The following HLA-DQA1 variants were observed in gnomAD, a reference collection of about 807,000 sequenced individuals.
The protein encoded by HLA-DQA1 is HLA class II histocompatibility antigen, DQ alpha 1 chain.
A neutral mutation model predicts 20.7 loss-of-function variants in HLA-DQA1; 10 were observed. The observed-to-expected ratio is 0.48, with a 90% CI of 0.30 to 0.82. HLA-DQA1 has a LOEUF of 0.82. Ranked by LOEUF, HLA-DQA1 falls within the 40% of genes least tolerant of loss-of-function variation. HLA-DQA1 has a pLI of 0.07. For synonymous variants in HLA-DQA1, 39 were observed against 109.2 expected, an observed-to-expected ratio of 0.36 and a Z score of 4.01; for missense variants, 127 against 293.0, an observed-to-expected ratio of 0.43 and a Z score of 4.14.
the HLA-DQA1 span, among the ~76,000 whole-genome samples, chr6:32,653,773 A>G: frequency 0.019 from 1,528 of 80,126 alleles, 73 homozygotes; most frequent in Admixed American, 0.023. Context: ...GAGTGGATAA[A>G]GAAACTGGTC....
rs939780021 is a variant in HLA-DQA1 at position 32,640,065 on chromosome 6, A to T, written c.83-1245A>T. Among the ~76,000 whole-genome samples the T allele has an allele frequency of 5.0e-5, 5 of 101,008 alleles. 1 individual carries two copies. The highest frequency in any genetic ancestry group is 1.7e-4 in the African/African-American group (5 of 29,052). The allele number at this position is 101,008 out of a possible 152,430, so 66.3% of individuals were successfully genotyped here. A position where few individuals can be genotyped will look rare whatever the true frequency, so the allele number is the denominator to read the frequency against. ...GATGGATTTTAGAATTTCTCCAGGA[A>T]GTCCTAAAAGATAATTCCATTTCAG... On this transcript the variant is annotated intron_variant, in intron 1 of 4. Coordinates refer to ENST00000343139, the MANE Select transcript of HLA-DQA1 (RefSeq NM_002122.5).
At chr6:32,652,570 C>CT in the HLA-DQA1 span, among the ~76,000 whole-genome samples, 83,997 of 148,864 alleles carry the variant, frequency 0.56, 23,978 homozygotes, top group Middle Eastern at 0.7. Context: ...AAATGATGAA[C>CT]AATTTTTTCA....
At chr6:32,645,537 G>A (rs9273182), downstream of HLA-DQA1, 27,038 of 124,284 alleles carry the variant, frequency 0.22, 3,688 homozygotes, top group East Asian at 0.27. Context: ...CACCCACTGC[G>A]TGGTCCAGTT....
At chr6:32,641,126 T>C (rs9272676) in intron 1 of HLA-DQA1, among the ~76,000 whole-genome samples, 184 bp from the exon 2 acceptor site, 1,111 of 105,238 alleles carry the variant, frequency 0.011, 60 homozygotes, top group East Asian at 0.08. Flanking sequence ...GGAAAGAAAG[T>C]GCACTTTTAA....
downstream of HLA-DQA1, chr6:32,644,705 T>C (rs1016233205): frequency 2.0e-4 from 24 of 121,560 alleles, 1 homozygote; most frequent in African/African-American, 7.0e-4. Flanking sequence ...TTTCTTTTCA[T>C]ATGATAATTG....
At chr6:32,647,569 C>G (rs28609302), downstream of HLA-DQA1, among the ~76,000 whole-genome samples, 7,164 of 150,914 alleles carry the variant, frequency 0.047, 519 homozygotes, top group South Asian at 0.12. Flanking sequence ...CAGGAAAGTC[C>G]CATAAACATA....
intron 1 of HLA-DQA1, among the ~76,000 whole-genome samples, 180 bp from the exon 2 acceptor site, chr6:32,641,130 C>A (rs9272677): frequency 0.011 from 1,146 of 104,930 alleles, 61 homozygotes; most frequent in East Asian, 0.083. Flanking sequence ...AGAAAGTGCA[C>A]TTTTAACTGG....
At chr6:32,650,747 G>A (rs1582022010), downstream of HLA-DQA1, among the ~76,000 whole-genome samples, 1 of 91,762 alleles carries the variant, frequency 1.1e-5, no homozygotes, top group African/African-American at 3.8e-5. Flanking sequence ...AATACCTAAT[G>A]TAAATTACGA....
downstream of HLA-DQA1, chr6:32,646,439 C>T (rs1269340214): frequency 1.9e-5 from 2 of 104,646 alleles, no homozygotes; most frequent in African/African-American, 3.3e-5. Context: ...CTCCTGTAGT[C>T]CCAGCTACTC....
chr6:32,648,583 C>T (rs1258868707), downstream of HLA-DQA1, among the ~76,000 whole-genome samples: 4 of 96,738 alleles, frequency 4.1e-5, 1 homozygote, highest in African/African-American at 1.4e-4. Flanking sequence ...ATTCAACAGC[C>T]CTTCATGCTA....
chr6:32,638,105 C>T (rs1341001267), intron 1 of HLA-DQA1, among the ~76,000 whole-genome samples: 1 of 132,054 alleles, frequency 7.6e-6, no homozygotes, highest in Non-Finnish European at 1.7e-5. Flanking sequence ...ACATGGTCCT[C>T]ACTTACTCTC....
At chr6:32,651,567 G>C (rs1782189566), downstream of HLA-DQA1, among the ~76,000 whole-genome samples, 1 of 52,154 alleles carries the variant, frequency 1.9e-5, no homozygotes, top group African/African-American at 6.6e-5. Context: ...CTGGGTGTCA[G>C]AGCGCGATTC....
downstream of HLA-DQA1, chr6:32,643,936 G>C (rs9273019): frequency 0.3 from 43,698 of 145,070 alleles, 9,217 homozygotes; most frequent in Middle Eastern, 0.48. Flanking sequence ...CTCACCTCCT[G>C]AATGAAGCTG....
intron 1 of HLA-DQA1, among the ~76,000 whole-genome samples, chr6:32,640,812 T>TA (rs34713112): frequency 0.26 from 24,579 of 93,522 alleles, 6,626 homozygotes; most frequent in African/African-American, 0.51. Flanking sequence ...GCTTTTCCTT[T>TA]AAAAAAAAAA....
intron 2 of HLA-DQA1, among the ~76,000 whole-genome samples, 179 bp downstream of exon 2, chr6:32,641,737 C>T (rs34719927): frequency 0.34 from 30,363 of 89,704 alleles, 6,817 homozygotes; most frequent in Middle Eastern, 0.51. Flanking sequence ...ATGCATTCAG[C>T]AAATCCTTCT....
At chr6:32,653,698 T>G in the HLA-DQA1 span, among the ~76,000 whole-genome samples, 1 of 115,624 alleles carries the variant, frequency 8.6e-6, no homozygotes, top group Non-Finnish European at 1.9e-5. Context: ...TGCACTCCCA[T>G]GTTCATCGCA....
chr6:32,646,893 ATTT>A (rs17843742), downstream of HLA-DQA1: 1 of 56,304 alleles, frequency 1.8e-5, no homozygotes, highest in East Asian at 4.7e-4. Flanking sequence ...GAAGCTATAC[ATTT>A]TAAAAGGCTG....
At chr6:32,652,947 C>T in the HLA-DQA1 span, among the ~76,000 whole-genome samples, 10 of 150,408 alleles carry the variant, frequency 6.6e-5, no homozygotes, top group Non-Finnish European at 1.0e-4. Flanking sequence ...GCTGTAAGAG[C>T]CTTTCAGAGT....
chr6:32,640,730 A>G (rs28383417), intron 1 of HLA-DQA1, among the ~76,000 whole-genome samples: 2,753 of 91,768 alleles, frequency 0.03, 69 homozygotes, highest in Middle Eastern at 0.04. Context: ...TGTTATTACC[A>G]ATCTTGTTAT....
Sources: gnomAD v4.1 joint callset for allele counts (sites outside exome capture counted in the v4.1 genomes callset) on GRCh38, gnomAD v4.1.1 for gene constraint, MANE v1.5 for transcripts, NCBI Gene and HGNC (gene_info 2026-07-23, HGNC 2026-07-21) for gene names.